The following SLC10A7 variants were observed in gnomAD, a reference collection of about 807,000 sequenced individuals.
The protein encoded by SLC10A7 is solute carrier family 10 member 7.
A neutral mutation model predicts 43.2 loss-of-function variants in SLC10A7; 29 were observed. The observed-to-expected ratio is 0.67, with a 90% confidence interval of 0.50 to 0.92. SLC10A7 has a LOEUF of 0.92. Ranked by LOEUF, SLC10A7 falls within the 40% of genes least tolerant of loss-of-function variation. The probability of loss-of-function intolerance (pLI) is 0.00; values close to 1 mark genes in which losing one functional copy is unlikely to be tolerated. For synonymous variants in SLC10A7, 152 were observed against 144.8 expected (o/e 1.05, Z -0.35); for missense variants, 295 against 403.2 (o/e 0.73, Z 2.30).
At chr4:146,331,460 C>G (rs1488388179) in intron 5 of SLC10A7, among the ~76,000 whole-genome samples, 1 of 152,126 alleles carries the variant, frequency 6.6e-6, no homozygotes, top group African/African-American at 2.4e-5. Context: ...TTTTATTGCC[C>G]TGTAGGCATT....
chr4:146,316,456 C>A (rs1419001575), intron 6 of SLC10A7, among the ~76,000 whole-genome samples: 1 of 152,028 alleles, frequency 6.6e-6, no homozygotes, highest in Non-Finnish European at 1.5e-5. Flanking sequence ...GCTGCCTTGC[C>A]CTTTCCACCT....
At chr4:146,430,679 G>GT (rs1214538867) in intron 5 of SLC10A7, among the ~76,000 whole-genome samples, 1 of 152,126 alleles carries the variant, frequency 6.6e-6, no homozygotes, top group African/African-American at 2.4e-5. Flanking sequence ...GTAAACAAGT[G>GT]TAGGGTTCTA....
chr4:146,504,768 T>C lies in SLC10A7; in HGVS notation c.321-844A>G, dbSNP rs11939693. Among the ~76,000 whole-genome samples, 820 of 152,284 alleles carry C rather than the reference T, an allele frequency of 5.4e-3. 9 individuals carry two copies. The highest frequency in any genetic ancestry group is 0.019 in the African/African-American group (786 of 41,544). ...CATCTCACAAAAGACATTTTAACAT[T>C]GTAATAACATTATAGAAACAGGCAT... On this transcript the variant is annotated intron_variant, in intron 3 of 11. Coordinates refer to ENST00000335472, the MANE Select transcript of SLC10A7 (RefSeq NM_001029998.6).
intron 10 of SLC10A7, among the ~76,000 whole-genome samples, chr4:146,272,889 G>A (rs1052302518): frequency 6.6e-6 from 1 of 152,092 alleles, no homozygotes; most frequent in African/African-American, 2.4e-5. Flanking sequence ...CCAGGAAACA[G>A]GCTGTTCTGG....
chr4:146,370,956 G>A (rs1208388297), intron 5 of SLC10A7, among the ~76,000 whole-genome samples: 1 of 152,166 alleles, frequency 6.6e-6, no homozygotes, highest in Non-Finnish European at 1.5e-5. Context: ...TGCAAAGTGT[G>A]TGCTTAGCAG....
intron 5 of SLC10A7, chr4:146,408,436 G>T (rs960915905): frequency 6.6e-6 from 1 of 152,062 alleles, no homozygotes; most frequent in Non-Finnish European, 1.5e-5. Flanking sequence ...TATAGTCCCG[G>T]CTACTTGGGA....
At chr4:146,371,075 C>T (rs960624046) in intron 5 of SLC10A7, among the ~76,000 whole-genome samples, 1 of 152,154 alleles carries the variant, frequency 6.6e-6, no homozygotes, top group African/African-American at 2.4e-5. Context: ...AGAACTAGGG[C>T]TTCAAAGATA....
At chr4:146,411,823 T>A (rs181079525) in intron 5 of SLC10A7, among the ~76,000 whole-genome samples, 3 of 152,188 alleles carry the variant, frequency 2.0e-5, no homozygotes, top group Non-Finnish European at 4.4e-5. Context: ...TATAGAGATG[T>A]AAGTCATGCA....
At chr4:146,270,006 G>C (rs1406500361) in intron 10 of SLC10A7, among the ~76,000 whole-genome samples, 1 of 152,114 alleles carries the variant, frequency 6.6e-6, no homozygotes, top group Non-Finnish European at 1.5e-5. Flanking sequence ...CTGTGTTTAT[G>C]TTGAACAAAA....
chr4:146,445,685 C>A (rs556956283), intron 4 of SLC10A7, among the ~76,000 whole-genome samples: 4 of 152,126 alleles, frequency 2.6e-5, no homozygotes, highest in African/African-American at 9.6e-5. Flanking sequence ...ACAAACAAAT[C>A]AAAGGGTAGT....
At chr4:146,516,314 T>G (rs1266647505) in intron 2 of SLC10A7, among the ~76,000 whole-genome samples, 1 of 151,810 alleles carries the variant, frequency 6.6e-6, no homozygotes, top group Non-Finnish European at 1.5e-5. Context: ...TGTAAAAATG[T>G]CTGGATTTCT....
chr4:146,330,197 T>C (rs1463383673), intron 5 of SLC10A7, among the ~76,000 whole-genome samples: 1 of 152,184 alleles, frequency 6.6e-6, no homozygotes, highest in African/African-American at 2.4e-5. Flanking sequence ...CTTAGATAGA[T>C]TTAGCTGCAT....
intron 7 of SLC10A7, among the ~76,000 whole-genome samples, chr4:146,298,142 C>T (rs6537413): frequency 0.82 from 124,416 of 152,066 alleles, 51,712 homozygotes; most frequent in African/African-American, 0.95. Flanking sequence ...GCAAATTCCT[C>T]ACTTTCCGTG....
At chr4:146,356,067 T>G (rs1275861605) in intron 5 of SLC10A7, among the ~76,000 whole-genome samples, 3 of 143,354 alleles carry the variant, frequency 2.1e-5, no homozygotes, top group Admixed American at 1.4e-4. Context: ...TATATATATA[T>G]ACATATATAT....
rs1183412785 is a variant in SLC10A7 at position 146,281,914 on chromosome 4, T to C, written c.847+1278A>G. ...CATCAATCTACTTACAGTATGATTA[T>C]TGCACACATCTTGTCATTTATTGAC... On this transcript the variant is annotated intron_variant, in intron 10 of 11. Coordinates refer to ENST00000335472, the MANE Select transcript of SLC10A7 (RefSeq NM_001029998.6). Among the ~76,000 whole-genome samples the C allele has an allele frequency of 2.0e-5, 3 of 152,290 alleles. No individual in the cohort carries two copies. The South Asian group carries it at 6.2e-4, about 32-fold the overall frequency.
intron 10 of SLC10A7, among the ~76,000 whole-genome samples, chr4:146,259,601 G>A (rs1326939439): frequency 2.0e-5 from 3 of 152,128 alleles, no homozygotes; most frequent in South Asian, 2.1e-4. Context: ...ACCCTGTCTC[G>A]AAAATCAGGG....
intron 10 of SLC10A7, among the ~76,000 whole-genome samples, chr4:146,265,597 T>C (rs1728504071): frequency 6.6e-6 from 1 of 152,208 alleles, no homozygotes; most frequent in Non-Finnish European, 1.5e-5. Flanking sequence ...TTCCTGAACA[T>C]AGGCAAAACA....
At chr4:146,413,512 C>T (rs756400129) in intron 5 of SLC10A7, among the ~76,000 whole-genome samples, 3 of 152,086 alleles carry the variant, frequency 2.0e-5, no homozygotes, top group Non-Finnish European at 4.4e-5. Context: ...CAGTATTTTA[C>T]CTTCTAGCTG....
intron 1 of SLC10A7, among the ~76,000 whole-genome samples, chr4:146,521,302 T>G (rs992079139): frequency 6.6e-6 from 1 of 152,006 alleles, no homozygotes; most frequent in Non-Finnish European, 1.5e-5. Context: ...GCAACCTAGA[T>G]TCCCTTGGGA....
Sources: gnomAD v4.1 joint callset for allele counts (sites outside exome capture counted in the v4.1 genomes callset) on GRCh38, gnomAD v4.1.1 for gene constraint, MANE v1.5 for transcripts, NCBI Gene and HGNC (gene_info 2026-07-23, HGNC 2026-07-21) for gene names.